TTC17: variants seen among roughly 807,000 people sequenced by gnomAD.
The protein encoded by TTC17 is tetratricopeptide repeat protein 17.
A neutral mutation model predicts 143.8 loss-of-function variants in TTC17; 58 were observed. The ratio of observed to expected loss-of-function variants is 0.40; its 90% CI spans 0.33 to 0.50. The LOEUF is 0.50. Among genes scored for constraint, TTC17 ranks in the 20% least tolerant of loss-of-function variants. TTC17 has a pLI of 0.49. For missense variants in TTC17, 1,273 were observed against 1,392.5 expected, an observed-to-expected ratio of 0.91 and a Z score of 1.37; for synonymous variants, 501 against 497.8, an observed-to-expected ratio of 1.01 and a Z score of -0.09.
intron 2 of TTC17, among the ~76,000 whole-genome samples, chr11:43,383,263 T>C (rs1027438420): frequency 8.5e-5 from 13 of 152,166 alleles, no homozygotes; most frequent in African/African-American, 2.9e-4. Context: ...ATCCAGTAGA[T>C]TAAAAGAGAT....
At chr11:43,400,079 G>A (rs1414569167) in intron 9 of TTC17, 31 bp downstream of exon 9, 17 of 1,595,866 alleles carry the variant, frequency 1.1e-5, no homozygotes, top group Non-Finnish European at 1.5e-5. Flanking sequence ...ATTGAAGACA[G>A]GTTAGGAAAT....
intron 21 of TTC17, among the ~76,000 whole-genome samples, chr11:43,485,883 G>GTTTTTTTTTTTTTTTTTTT (rs751026290): frequency 8.9e-6 from 1 of 112,618 alleles, no homozygotes. Context: ...TTGGTTTTTT[G>GTTTTTTTTTTTTTTTTTTT]TTTTTTTTTT....
At chr11:43,377,964 C>T (rs746774786) in intron 1 of TTC17, among the ~76,000 whole-genome samples, 68 of 152,022 alleles carry the variant, frequency 4.5e-4, no homozygotes, top group Non-Finnish European at 8.8e-4. Flanking sequence ...AGTGCGTTGG[C>T]GCAATCTCAG....
At position 43,397,422 on chromosome 11, in the gene TTC17, C is replaced by T. The variant is rs144475439; in HGVS notation, c.849C>T (p.Val283=). Residue 283 remains valine, a synonymous_variant, in exon 7 of 24, where the codon GTC becomes GTT. Coordinates refer to ENST00000039989, the MANE Select transcript of TTC17 (RefSeq NM_018259.6). ...CACACTTCTCTGCTGATGCTGCTGTCGTGGTCCATGCAGCTCTGGATGACA... is the reference window on the plus strand; with the variant it reads ...CACACTTCTCTGCTGATGCTGCTGTTGTGGTCCATGCAGCTCTGGATGACA... ...HRAHFSADAA[V]VVHAALDDSD... 2.1e-4 allele frequency: 336 copies of T among 1,613,378 alleles called. 1 individual carries two copies. The highest frequency in any genetic ancestry group is 3.7e-4 in the Admixed American group (22 of 60,002).
chr11:43,488,928 C>T (rs1322122611), intron 21 of TTC17, among the ~76,000 whole-genome samples: 1 of 152,094 alleles, frequency 6.6e-6, no homozygotes, highest in Non-Finnish European at 1.5e-5. Context: ...CTCCTCTTGC[C>T]TTGGCCTCCC....
Position 43,391,555 on chromosome 11 carries a change from A to G in TTC17, c.510A>G (p.Ile170Met). ...CTKILELPYS[I>M]HAFQHLRGVQ... ...AAATTCTAGAACTTCCATATAGTAT[A>G]CATGCTTTTCAGCACTTGAGAGTAA... Residue 170 changes from isoleucine to methionine, a missense_variant, in exon 4 of 24, where the codon ATA becomes ATG. Transcript: ENST00000039989. 6.3e-7 allele frequency: 1 copy of G among 1,584,504 alleles called. No homozygotes were observed. The highest frequency in any genetic ancestry group is 8.5e-7 in the Non-Finnish European group (1 of 1,172,202).
At chr11:43,462,634 C>T (rs1947889694) in intron 21 of TTC17, among the ~76,000 whole-genome samples, 1 of 152,138 alleles carries the variant, frequency 6.6e-6, no homozygotes, top group South Asian at 2.1e-4. Context: ...TTTTAAACCA[C>T]CAAGTATGTG....
chr11:43,417,017 T>C (rs1479230681), intron 16 of TTC17, among the ~76,000 whole-genome samples: 2 of 152,202 alleles, frequency 1.3e-5, no homozygotes, highest in African/African-American at 4.8e-5. Flanking sequence ...TACCTCCTAA[T>C]GGATATGTAT....
Position 43,450,196 on chromosome 11 carries a change from C to T in TTC17, c.2901C>T (p.Ser967=). The part of the protein sequence containing the change: ...MHTLDHLHGV[S]NRASLHYTGE... ...CCCTGGACCACTTGCATGGGGTTTCCAACCGAGCCAGCCTGCACTACACAG... is the reference window on the plus strand; with the variant it reads ...CCCTGGACCACTTGCATGGGGTTTCTAACCGAGCCAGCCTGCACTACACAG... Residue 967 remains serine, a synonymous_variant, in exon 20 of 24, where the codon TCC becomes TCT. Coordinates refer to ENST00000039989, the MANE Select transcript of TTC17 (RefSeq NM_018259.6). 1 of 1,614,136 alleles carries T rather than the reference C, an allele frequency of 6.2e-7. No individual in the cohort carries two copies. The highest frequency in any genetic ancestry group is 1.1e-5 in the South Asian group (1 of 91,082).
chr11:43,368,209 C>T (rs1340412477), intron 1 of TTC17, among the ~76,000 whole-genome samples: 1 of 152,044 alleles, frequency 6.6e-6, no homozygotes, highest in African/African-American at 2.4e-5. Flanking sequence ...TACATATGTT[C>T]ACCAGATGAT....
chr11:43,483,257 T>C (rs1948321396), intron 21 of TTC17, among the ~76,000 whole-genome samples: 1 of 152,102 alleles, frequency 6.6e-6, no homozygotes, highest in Non-Finnish European at 1.5e-5. Context: ...CTACAAACTT[T>C]TGAGAAATAC....
Position 43,391,883 on chromosome 11 carries a change from A to G in TTC17, c.594A>G (p.Thr198=), listed in dbSNP as rs1237245057. Residue 198 remains threonine (T), a synonymous_variant, in exon 5 of 24, where the codon ACA becomes ACG. Transcript: ENST00000039989. ...TACCTAAAGAAGACCCAATCTTCAC[A>G]TATTTATCTAAACGGTTAGGAAGGA... The part of the protein sequence containing the change: ...PLLPKEDPIF[T]YLSKRLGRSI... 1.2e-6 allele frequency: 2 copies of G among 1,614,056 alleles called. No homozygotes were observed. The highest frequency in any genetic ancestry group is 1.3e-5 in the African/African-American group (1 of 75,062).
chr11:43,418,096 A>G (rs578024666), intron 16 of TTC17, among the ~76,000 whole-genome samples: 6 of 152,358 alleles, frequency 3.9e-5, no homozygotes, highest in Non-Finnish European at 8.8e-5. Flanking sequence ...CACAATCACT[A>G]TGCTAAAAAA....
chr11:43,360,584 A>T (rs2086844554), intron 1 of TTC17, among the ~76,000 whole-genome samples: 1 of 152,192 alleles, frequency 6.6e-6, no homozygotes, highest in South Asian at 2.1e-4. Context: ...ACTCTATGAC[A>T]TTGACTTCTC....
At chr11:43,441,596 CAG>C (rs921176496) in intron 16 of TTC17, among the ~76,000 whole-genome samples, 40 of 152,102 alleles carry the variant, frequency 2.6e-4, no homozygotes, top group Middle Eastern at 3.4e-3. Context: ...TTTGCTAACT[CAG>C]AGCACACTTA....
At chr11:43,423,056 T>A (rs964800261) in intron 16 of TTC17, among the ~76,000 whole-genome samples, 1 of 152,154 alleles carries the variant, frequency 6.6e-6, no homozygotes, top group Non-Finnish European at 1.5e-5. Flanking sequence ...GTAAGAGTAG[T>A]CCTTAGGAAC....
intron 21 of TTC17, among the ~76,000 whole-genome samples, chr11:43,480,423 C>T (rs1443429878): frequency 6.6e-6 from 1 of 151,940 alleles, no homozygotes; most frequent in African/African-American, 2.4e-5. Flanking sequence ...AATTGTGTGA[C>T]CTACAATGAA....
chr11:43,417,551 G>C (rs965633497), intron 16 of TTC17, among the ~76,000 whole-genome samples: 1 of 152,088 alleles, frequency 6.6e-6, no homozygotes, highest in Non-Finnish European at 1.5e-5. Flanking sequence ...CATGATAATT[G>C]TTGGCCAGGC....
At chr11:43,458,680 C>T (rs1479855885) in intron 21 of TTC17, among the ~76,000 whole-genome samples, 1 of 152,150 alleles carries the variant, frequency 6.6e-6, no homozygotes, top group Non-Finnish European at 1.5e-5. Flanking sequence ...ATTATGGCAT[C>T]AGGCTCAGAG....
Sources: gnomAD v4.1 joint callset for allele counts (sites outside exome capture counted in the v4.1 genomes callset) on GRCh38, gnomAD v4.1.1 for gene constraint, MANE v1.5 for transcripts, NCBI Gene and HGNC (gene_info 2026-07-23, HGNC 2026-07-21) for gene names.